Variants in VAV2 observed in about 807,000 individuals in gnomAD.
VAV2 encodes vav guanine nucleotide exchange factor 2, also known as guanine nucleotide exchange factor VAV2.
In VAV2, 67 loss-of-function variants were observed where a neutral mutation model predicts 132.5. That is an observed-to-expected ratio of 0.51 (90% CI 0.42 to 0.62). VAV2 has a LOEUF of 0.62. Among genes scored for constraint, VAV2 ranks in the 20% least tolerant of loss-of-function variants. The pLI is 0.00. For missense variants in VAV2, 938 were observed against 1,153.6 expected (o/e 0.81, Z 2.71); for synonymous variants, 492 against 443.5 (o/e 1.11, Z -1.37).
intron 3 of VAV2, among the ~76,000 whole-genome samples, chr9:133,839,837 A>C (rs1170889541): frequency 1.3e-5 from 2 of 152,166 alleles, no homozygotes; most frequent in Non-Finnish European, 2.9e-5. Context: ...GTAAACACTG[A>C]CCTCGATTAA....
chr9:133,790,857 C>T (rs930822182), intron 13 of VAV2, among the ~76,000 whole-genome samples: 1 of 152,184 alleles, frequency 6.6e-6, no homozygotes, highest in African/African-American at 2.4e-5. Flanking sequence ...GGACCTTCCC[C>T]TGCCAGCTTC....
intron 1 of VAV2, among the ~76,000 whole-genome samples, chr9:133,973,567 G>A (rs879694204): frequency 6.6e-6 from 1 of 152,196 alleles, no homozygotes; most frequent in Non-Finnish European, 1.5e-5. Context: ...AAAGAAGCTG[G>A]CGCAGACGAG....
At chr9:133,822,486 G>A (rs942012491) in intron 4 of VAV2, among the ~76,000 whole-genome samples, 1 of 151,916 alleles carries the variant, frequency 6.6e-6, no homozygotes, top group African/African-American at 2.4e-5. Context: ...CGGAGAGATA[G>A]ACAGACAGAC....
rs1234945874 is a variant in VAV2 at position 133,846,408 on chromosome 9, CCCTCGGTGGCCCTGG to C, written c.381-12083_381-12069del. Among the ~76,000 whole-genome samples the C allele has an allele frequency of 3.3e-5, 5 of 152,358 alleles. No homozygotes were observed. In the East Asian group the frequency reaches 9.7e-4, roughly 29 times the overall value. ...CTCCCACCTGGGCGTCCACAGCAGC[CCCTCGGTGGCCCTGG>C]CCTCCACTCTGGAGCCCCTTGAGGC... On this transcript the variant is annotated intron_variant, in intron 3 of 29. Transcript: ENST00000371850.
chr9:133,878,881 C>T lies in VAV2; in HGVS notation c.322-17449G>A, dbSNP rs566300729. Among the ~76,000 whole-genome samples, 29 of 152,322 alleles carry T rather than the reference C, an allele frequency of 1.9e-4. No homozygotes were observed. The South Asian group carries it at 5.2e-3, about 27-fold the overall frequency. ...GCCCTCGGCCCGGGCAGCCTGGCCT[C>T]CTTTGCACATATGCCAGGCTCCTCC... On this transcript the variant is annotated intron_variant, in intron 2 of 29. Transcript: ENST00000371850.
chr9:133,841,717 G>A (rs1836730762), intron 3 of VAV2, among the ~76,000 whole-genome samples: 1 of 152,214 alleles, frequency 6.6e-6, no homozygotes, highest in Non-Finnish European at 1.5e-5. Flanking sequence ...TGCAGGTAAT[G>A]GGTCTGGGTT....
intron 3 of VAV2, among the ~76,000 whole-genome samples, chr9:133,838,716 T>C (rs1445018228): frequency 1.6e-5 from 2 of 124,922 alleles, no homozygotes; most frequent in Admixed American, 8.4e-5. Context: ...GGTGGATTGA[T>C]GGATGGGTGG....
chr9:133,851,069 C>T (rs1287780607), intron 3 of VAV2, among the ~76,000 whole-genome samples: 1 of 152,238 alleles, frequency 6.6e-6, no homozygotes, highest in African/African-American at 2.4e-5. Flanking sequence ...CCAGCATCTT[C>T]TAAAACCACT....
intron 2 of VAV2, among the ~76,000 whole-genome samples, chr9:133,921,085 A>G (rs548992005): frequency 1.3e-5 from 2 of 152,238 alleles, no homozygotes; most frequent in Non-Finnish European, 2.9e-5. Context: ...GAAGCCGTGC[A>G]GCCCTGAGAG....
chr9:133,934,300 A>G (rs1371020641), intron 2 of VAV2, among the ~76,000 whole-genome samples: 1 of 152,200 alleles, frequency 6.6e-6, no homozygotes, highest in Non-Finnish European at 1.5e-5. Context: ...AGACCTCCTT[A>G]AATAATAGGG....
At position 133,779,971 on chromosome 9, in the gene VAV2, G is replaced by A. The variant is rs760683596; in HGVS notation, c.1741-32C>T. The A allele has an allele frequency of 1.4e-5, 22 of 1,611,380 alleles. No individual in the cohort carries two copies. In the South Asian group the frequency reaches 2.2e-4, roughly 16 times the overall value. ...GGACAAGGACAGAACACAGAGATGA[G>A]GGAAGGCTGCTCTTTGACTGTGGCC... On this transcript the variant is annotated intron_variant, in intron 20 of 29. Coordinates refer to ENST00000371850, the MANE Select transcript of VAV2 (RefSeq NM_001134398.2).
At chr9:133,838,094 A>G (rs1253598633) in intron 3 of VAV2, among the ~76,000 whole-genome samples, 1 of 152,078 alleles carries the variant, frequency 6.6e-6, no homozygotes, top group African/African-American at 2.4e-5. Flanking sequence ...AGGAGAATAG[A>G]GGAGGCTTCA....
intron 19 of VAV2, among the ~76,000 whole-genome samples, chr9:133,781,477 G>A (rs1337090663): frequency 1.3e-5 from 2 of 151,642 alleles, no homozygotes; most frequent in East Asian, 3.9e-4. Context: ...AGCTCAGTGG[G>A]CAGGGGTCAG....
At chr9:133,971,245 C>T (rs1229889491) in intron 1 of VAV2, among the ~76,000 whole-genome samples, 1 of 152,184 alleles carries the variant, frequency 6.6e-6, no homozygotes, top group Non-Finnish European at 1.5e-5. Flanking sequence ...GCAGGGAAAG[C>T]CCTCTGGGGG....
intron 2 of VAV2, among the ~76,000 whole-genome samples, chr9:133,897,550 T>C (rs1289591984): frequency 1.3e-5 from 2 of 152,154 alleles, no homozygotes; most frequent in African/African-American, 4.8e-5. Flanking sequence ...AGCCCAGAGC[T>C]GAGCCCAGCT....
At chr9:133,899,008 C>T (rs944494283) in intron 2 of VAV2, among the ~76,000 whole-genome samples, 2 of 151,404 alleles carry the variant, frequency 1.3e-5, no homozygotes, top group East Asian at 2.0e-4. Context: ...TTTTTAGTGG[C>T]GATGGGGTTT....
Position 133,840,232 on chromosome 9 carries a change from CCCGG to C in VAV2, c.381-5896_381-5893del, listed in dbSNP as rs1370678129. Among the ~76,000 whole-genome samples, 5 of 152,338 alleles carry C rather than the reference CCCGG, an allele frequency of 3.3e-5. No individual in the cohort carries two copies. The highest frequency in any genetic ancestry group is 2.1e-4 in the South Asian group (1 of 4,824). On this transcript the variant is annotated intron_variant, in intron 3 of 29. Transcript: ENST00000371850. This position sits in a 1 kb window ranked among gnomAD's most constrained non-coding sequence, Gnocchi z 4.5. ...CTTCCTGAGCATGCATTTCCTCGTG[CCCGG>C]CTTCGGGAAGCAGAGTTTCCCACTG...
chr9:133,962,170 G>A (rs1049223757), intron 1 of VAV2, among the ~76,000 whole-genome samples: 7 of 152,172 alleles, frequency 4.6e-5, no homozygotes, highest in African/African-American at 1.4e-4. Flanking sequence ...GGCACAGAGG[G>A]GGATGAAGGG....
chr9:133,771,669 G>A (rs1301814712), intron 26 of VAV2, among the ~76,000 whole-genome samples: 1 of 152,160 alleles, frequency 6.6e-6, no homozygotes, highest in Non-Finnish European at 1.5e-5. Flanking sequence ...AGGAGGATGG[G>A]CATGAGAGGA....
Sources: allele counts gnomAD v4.1 joint callset (sites outside exome capture counted in the v4.1 genomes callset), GRCh38; gene constraint gnomAD v4.1.1; non-coding constraint Gnocchi (gnomAD v3.1); transcripts MANE v1.5; gene names NCBI Gene and HGNC (gene_info 2026-07-23, HGNC 2026-07-21).